Variants in RMDN2 observed in about 807,000 individuals in gnomAD.
The protein encoded by RMDN2 is regulator of microtubule dynamics protein 2.
In RMDN2, 61 loss-of-function variants were observed where a neutral mutation model predicts 52.8. That is an observed-to-expected ratio of 1.16 (90% CI 0.94 to 1.43). The LOEUF (loss-of-function observed/expected upper bound fraction) is 1.43. Among genes scored for constraint, RMDN2 ranks in the 40% most tolerant of loss-of-function variants. RMDN2 has a pLI of 0.00. For missense variants in RMDN2, 592 were observed against 475.3 expected (o/e 1.25, Z -2.28); for synonymous variants, 180 against 153.1 (o/e 1.18, Z -1.30).
chr2:37,953,300 T>C (rs201335482), intron 2 of RMDN2, among the ~76,000 whole-genome samples: 11 of 152,026 alleles, frequency 7.2e-5, no homozygotes, highest in East Asian at 1.9e-4. Context: ...CCACAACTCT[T>C]TTCATCTTGC....
At chr2:38,014,821 C>T (rs1678521075) in intron 10 of RMDN2, among the ~76,000 whole-genome samples, 1 of 152,184 alleles carries the variant, frequency 6.6e-6, no homozygotes, top group African/African-American at 2.4e-5. Flanking sequence ...ACAGATACCT[C>T]TGCCATCATG....
At chr2:37,997,024 T>C (rs956334041) in intron 7 of RMDN2, among the ~76,000 whole-genome samples, 2 of 152,064 alleles carry the variant, frequency 1.3e-5, no homozygotes, top group Admixed American at 1.3e-4. Context: ...GTAGCCCCTG[T>C]GTGCTGTACG....
At chr2:37,973,608 G>T (rs1200124770) in intron 2 of RMDN2, among the ~76,000 whole-genome samples, 1 of 152,176 alleles carries the variant, frequency 6.6e-6, no homozygotes, top group African/African-American at 2.4e-5. Flanking sequence ...TGAAGGGAAT[G>T]TGGGGATTGA....
At chr2:38,060,479 T>C (rs1682004056) in intron 10 of RMDN2, among the ~76,000 whole-genome samples, 1 of 152,200 alleles carries the variant, frequency 6.6e-6, no homozygotes, top group Non-Finnish European at 1.5e-5. Flanking sequence ...GCCAACTGGA[T>C]TTGCTTGCGG....
intron 2 of RMDN2, among the ~76,000 whole-genome samples, chr2:37,943,686 T>G (rs1667983158): frequency 6.6e-6 from 1 of 152,228 alleles, no homozygotes; most frequent in African/African-American, 2.4e-5. Context: ...GTATATTTCA[T>G]GAATCCTTCA....
intron 10 of RMDN2, chr2:38,039,461 C>G (rs1680820248): frequency 1.3e-5 from 2 of 152,348 alleles, no homozygotes; most frequent in South Asian, 4.2e-4. Flanking sequence ...ACAGTCGCTG[C>G]TATCTACAGC....
chr2:37,967,021 T>A (rs1048252954), intron 2 of RMDN2, among the ~76,000 whole-genome samples: 11 of 152,244 alleles, frequency 7.2e-5, no homozygotes, highest in Admixed American at 1.3e-4. Flanking sequence ...ACAAAAAGTT[T>A]ATGGGGACAG....
intron 10 of RMDN2, among the ~76,000 whole-genome samples, chr2:38,050,358 AT>A (rs1471588977): frequency 6.6e-5 from 10 of 151,470 alleles, no homozygotes; most frequent in African/African-American, 2.2e-4. Flanking sequence ...AAAAAAAAAA[AT>A]AAAAAAAAAA....
chr2:37,941,632 G>C (rs896283013), intron 2 of RMDN2, among the ~76,000 whole-genome samples: 3 of 152,238 alleles, frequency 2.0e-5, no homozygotes, highest in Non-Finnish European at 4.4e-5. Flanking sequence ...GGCTATAGCT[G>C]CTTTGCAGTG....
At chr2:38,013,427 C>G (rs146783577) in intron 10 of RMDN2, among the ~76,000 whole-genome samples, 2 of 152,278 alleles carry the variant, frequency 1.3e-5, no homozygotes, top group Non-Finnish European at 2.9e-5. Context: ...TCCAATGTTA[C>G]CAGAAACAAA....
chr2:38,012,425 C>T (rs941564533), intron 10 of RMDN2, among the ~76,000 whole-genome samples: 6 of 152,084 alleles, frequency 3.9e-5, no homozygotes, highest in Non-Finnish European at 5.9e-5. Context: ...AATAAGCACT[C>T]AGTAAGTGTT....
chr2:38,043,830 T>A (rs905800266), intron 10 of RMDN2, among the ~76,000 whole-genome samples: 5 of 152,060 alleles, frequency 3.3e-5, no homozygotes, highest in African/African-American at 9.7e-5. Flanking sequence ...ATTTTCCTTA[T>A]CCATATGCCA....
chr2:38,033,860 G>T (rs1680392103), intron 10 of RMDN2, among the ~76,000 whole-genome samples: 1 of 152,178 alleles, frequency 6.6e-6, no homozygotes, highest in Non-Finnish European at 1.5e-5. Flanking sequence ...ACCACAGTTA[G>T]CCTGGGAATT....
chr2:38,039,091 C>CAGAGAG (rs1477113693), intron 10 of RMDN2, among the ~76,000 whole-genome samples: 33 of 104,210 alleles, frequency 3.2e-4, no homozygotes, highest in African/African-American at 8.9e-4. Context: ...CACACACACA[C>CAGAGAG]ACAGAGAGAG....
At chr2:37,943,629 G>A (rs1488074251) in intron 2 of RMDN2, among the ~76,000 whole-genome samples, 3 of 152,214 alleles carry the variant, frequency 2.0e-5, no homozygotes, top group Non-Finnish European at 4.4e-5. Flanking sequence ...TGTATTAAAT[G>A]TACTAGAACA....
chr2:37,974,225 T>G lies in RMDN2; in HGVS notation c.627+11T>G. ...GACCACAAAGAAAAGGTAAGAGACA[T>G]AACAATAGCACTTCGTATAGTTCCA... On this transcript the variant is annotated intron_variant, in intron 3 of 10. Transcript: ENST00000354545. 4.4e-6 allele frequency: 7 copies of G among 1,597,308 alleles called. No individual in the cohort carries two copies. The highest frequency in any genetic ancestry group is 1.3e-5 in the African/African-American group (1 of 74,350).
At chr2:38,045,817 T>C (rs775333611) in intron 10 of RMDN2, among the ~76,000 whole-genome samples, 22 of 152,214 alleles carry the variant, frequency 1.4e-4, no homozygotes, top group Non-Finnish European at 2.6e-4. Flanking sequence ...GGCTTCACAA[T>C]TGATGCTGCA....
upstream of RMDN2, among the ~76,000 whole-genome samples, chr2:37,921,844 T>C (rs554336067): frequency 6.6e-6 from 1 of 152,338 alleles, no homozygotes; most frequent in South Asian, 2.1e-4. Flanking sequence ...TTTACTTCAT[T>C]AGATTGTTGG....
chr2:37,984,109 A>G (rs1673675602), intron 5 of RMDN2, among the ~76,000 whole-genome samples: 1 of 152,230 alleles, frequency 6.6e-6, no homozygotes, highest in African/African-American at 2.4e-5. Flanking sequence ...AAGGGTTAGT[A>G]TGATTTGGGA....
Sources: allele counts gnomAD v4.1 joint callset (sites outside exome capture counted in the v4.1 genomes callset), GRCh38; gene constraint gnomAD v4.1.1; transcripts MANE v1.5; gene names NCBI Gene and HGNC (gene_info 2026-07-23, HGNC 2026-07-21).